OSBP2: variants seen among roughly 807,000 people sequenced by gnomAD.
The protein encoded by OSBP2 is oxysterol binding protein 2.
A neutral mutation model predicts 96.0 loss-of-function variants in OSBP2; 66 were observed. The observed-to-expected ratio is 0.69, with a 90% CI of 0.56 to 0.84. OSBP2 has a LOEUF of 0.84. OSBP2 is among the 40% of genes least tolerant of loss of function. The probability of loss-of-function intolerance (pLI) is 0.00; values close to 1 mark genes in which losing one functional copy is unlikely to be tolerated. For synonymous variants in OSBP2, 525 were observed against 520.9 expected (o/e 1.01, Z -0.11); for missense variants, 1,038 against 1,222.7 (o/e 0.85, Z 2.25).
At chr22:30,728,683 A>G (rs2089694547) in intron 1 of OSBP2, among the ~76,000 whole-genome samples, 1 of 152,128 alleles carries the variant, frequency 6.6e-6, no homozygotes, top group Non-Finnish European at 1.5e-5. Flanking sequence ...ATTTTTATAG[A>G]GACAGGTTTT....
chr22:30,799,308 C>T (rs528649067), intron 2 of OSBP2, among the ~76,000 whole-genome samples: 21 of 152,154 alleles, frequency 1.4e-4, no homozygotes, highest in African/African-American at 4.8e-4. Flanking sequence ...CAGGGTCTCA[C>T]CATGTCTTGG....
chr22:30,775,798 G>T (rs1417830993), intron 2 of OSBP2, among the ~76,000 whole-genome samples: 1 of 151,758 alleles, frequency 6.6e-6, no homozygotes, highest in Non-Finnish European at 1.5e-5. Flanking sequence ...TTGGGGGGGA[G>T]GTTGTTTTTT....
At chr22:30,840,378 A>G (rs1667017264) in intron 2 of OSBP2, among the ~76,000 whole-genome samples, 1 of 152,046 alleles carries the variant, frequency 6.6e-6, no homozygotes, top group African/African-American at 2.4e-5. Context: ...TACACCCTCA[A>G]GGTTTTTTCT....
intron 2 of OSBP2, among the ~76,000 whole-genome samples, chr22:30,829,173 G>T (rs1450093622): frequency 6.6e-6 from 1 of 152,224 alleles, no homozygotes; most frequent in African/African-American, 2.4e-5. Flanking sequence ...TCTCCAGGGA[G>T]CTGGTTCATT....
chr22:30,694,797 C>A, upstream of OSBP2: 3 of 555,896 alleles, frequency 5.4e-6, no homozygotes, highest in Non-Finnish European at 6.8e-6. Context: ...CGCGGAGGAA[C>A]CCGCGCGCGC....
rs1602391962 is a variant in OSBP2 at position 30,871,985 on chromosome 22, C to A, written c.1107+1303C>A. On this transcript the variant is annotated intron_variant, in intron 3 of 13. Coordinates refer to ENST00000332585, the MANE Select transcript of OSBP2 (RefSeq NM_030758.4). The surrounding 1 kb of genome is among the most constrained non-coding windows in gnomAD (Gnocchi z 4.7). ...CCTGAGGCTGGGCGAGGTGTGCCCC[C>A]CTTCCCGACTGCTGGGAAACTCAGC... 6.6e-6 allele frequency among the ~76,000 whole-genome samples: 1 copy of A among 152,384 alleles called. No individual in the cohort carries two copies. Among genetic ancestry groups the A allele is most frequent in the African/African-American group, 2.4e-5 (1 of 41,600 alleles).
chr22:30,859,424 G>C (rs1363931218), intron 2 of OSBP2, among the ~76,000 whole-genome samples: 2 of 152,214 alleles, frequency 1.3e-5, no homozygotes, highest in African/African-American at 2.4e-5. Context: ...CCCCCTCACT[G>C]GTCAGGGATT....
chr22:30,764,366 T>G (rs2090244263), intron 2 of OSBP2: 1 of 985,308 alleles, frequency 1.0e-6, no homozygotes. Flanking sequence ...GCCACCCTAT[T>G]GCTCCAAAAT....
chr22:30,858,950 T>C (rs1487874762), intron 2 of OSBP2, among the ~76,000 whole-genome samples: 1 of 151,658 alleles, frequency 6.6e-6, no homozygotes, highest in Non-Finnish European at 1.5e-5. Context: ...GTGCCATCCA[T>C]TCATTCAATA....
chr22:30,869,097 C>T (rs929211926), intron 2 of OSBP2, among the ~76,000 whole-genome samples: 8 of 152,302 alleles, frequency 5.3e-5, no homozygotes, highest in Admixed American at 4.6e-4. Flanking sequence ...CCTCCTGCCC[C>T]ACCTGCTGTG....
intron 1 of OSBP2, among the ~76,000 whole-genome samples, chr22:30,737,315 CTTTTTTT>C (rs34541516): frequency 2.7e-5 from 3 of 110,410 alleles, no homozygotes; most frequent in South Asian, 2.9e-4. Context: ...TGCGCCCGGC[CTTTTTTT>C]TTTTTTTTTT....
intron 2 of OSBP2, among the ~76,000 whole-genome samples, chr22:30,804,263 G>A (rs915542258): frequency 6.6e-6 from 1 of 152,208 alleles, no homozygotes; most frequent in Non-Finnish European, 1.5e-5. Flanking sequence ...GAGATGTCTA[G>A]TTGTGCTAGA....
chr22:30,874,230 C>G (rs1481451066), intron 3 of OSBP2, among the ~76,000 whole-genome samples: 1 of 151,754 alleles, frequency 6.6e-6, no homozygotes, highest in Non-Finnish European at 1.5e-5. Flanking sequence ...GAGTGAGACT[C>G]TGTCTCAAAA....
At chr22:30,751,720 C>T (rs922971094) in intron 2 of OSBP2, among the ~76,000 whole-genome samples, 10 of 152,148 alleles carry the variant, frequency 6.6e-5, no homozygotes, top group Non-Finnish European at 1.3e-4. Flanking sequence ...ATCATCCGCC[C>T]ACAGCCGGTG....
chr22:30,774,343 G>A (rs1276216127), intron 2 of OSBP2, among the ~76,000 whole-genome samples: 3 of 152,180 alleles, frequency 2.0e-5, no homozygotes, highest in African/African-American at 7.2e-5. Context: ...CATTTATAGG[G>A]GTAGCCAACA....
chr22:30,698,652 A>G (rs1359242422), intron 1 of OSBP2, among the ~76,000 whole-genome samples: 2 of 151,846 alleles, frequency 1.3e-5, no homozygotes, highest in Non-Finnish European at 2.9e-5. Flanking sequence ...ATTGGCCGGG[A>G]TGGTCTCAAA....
At chr22:30,774,894 A>G (rs953027367) in intron 2 of OSBP2, among the ~76,000 whole-genome samples, 2 of 152,198 alleles carry the variant, frequency 1.3e-5, no homozygotes, top group Admixed American at 1.3e-4. Context: ...ATCACTTTTT[A>G]TAGTATTTTA....
intron 1 of OSBP2, among the ~76,000 whole-genome samples, chr22:30,710,641 C>T (rs1483504702): frequency 2.0e-5 from 3 of 151,530 alleles, no homozygotes; most frequent in African/African-American, 7.3e-5. Context: ...GACAGGGTCT[C>T]ACTCTGTCAC....
chr22:30,742,162 G>A (rs2089947397), intron 2 of OSBP2, among the ~76,000 whole-genome samples: 2 of 151,828 alleles, frequency 1.3e-5, no homozygotes, highest in Non-Finnish European at 2.9e-5. Flanking sequence ...GCTGGGTGTG[G>A]TGGCACATGC....
Sources: allele counts gnomAD v4.1 joint callset (sites outside exome capture counted in the v4.1 genomes callset), GRCh38; gene constraint gnomAD v4.1.1; non-coding constraint Gnocchi (gnomAD v3.1); transcripts MANE v1.5; gene names NCBI Gene and HGNC (gene_info 2026-07-23, HGNC 2026-07-21).